Variants in IQCJ observed in about 807,000 individuals in gnomAD.
IQCJ encodes IQ domain-containing protein J.
IQCJ carries 9 observed loss-of-function variants against 11.0 expected under a neutral mutation model. The observed-to-expected ratio is 0.82, with a 90% CI of 0.49 to 1.43. IQCJ has a LOEUF of 1.43. Ranked by LOEUF, IQCJ falls within the 40% of genes most tolerant of loss-of-function variation. The pLI, the probability that IQCJ is intolerant of heterozygous loss-of-function variation, is 0.00. For missense variants in IQCJ, 146 were observed against 133.2 expected (o/e 1.10, Z -0.47); for synonymous variants, 55 against 51.3 (o/e 1.07, Z -0.31).
At chr3:159,142,425 C>CTG (rs1560000925) in intron 1 of IQCJ, among the ~76,000 whole-genome samples, 1 of 70,722 alleles carries the variant, frequency 1.4e-5, no homozygotes, top group Non-Finnish European at 2.9e-5. Context: ...AGGTCTTTTC[C>CTG]CCCCCCCACC....
At chr3:159,188,987 G>T (rs1723529544) in intron 1 of IQCJ, among the ~76,000 whole-genome samples, 1 of 152,184 alleles carries the variant, frequency 6.6e-6, no homozygotes, top group Non-Finnish European at 1.5e-5. Flanking sequence ...TTGTGGGGGA[G>T]GACGTAGTGA....
At chr3:159,091,018 TGAG>T (rs1183384222) in intron 1 of IQCJ, among the ~76,000 whole-genome samples, 1 of 151,870 alleles carries the variant, frequency 6.6e-6, no homozygotes. Flanking sequence ...AAGCATTAAT[TGAG>T]GAAGTTTTCA....
chr3:159,153,678 G>C (rs527962155), intron 1 of IQCJ, among the ~76,000 whole-genome samples: 3 of 152,310 alleles, frequency 2.0e-5, no homozygotes, highest in African/African-American at 7.2e-5. Flanking sequence ...AAAAGCTATA[G>C]TGGGCATCTG....
intron 1 of IQCJ, among the ~76,000 whole-genome samples, chr3:159,171,625 C>G (rs1352989373): frequency 6.6e-6 from 1 of 152,162 alleles, no homozygotes; most frequent in African/African-American, 2.4e-5. Flanking sequence ...AATACTGATA[C>G]CTTTGTTGCA....
chr3:159,196,868 A>G (rs1724013600), intron 1 of IQCJ, among the ~76,000 whole-genome samples: 1 of 152,162 alleles, frequency 6.6e-6, no homozygotes, highest in Non-Finnish European at 1.5e-5. Flanking sequence ...TGACCATTAA[A>G]CAATACCACT....
chr3:159,121,841 A>G (rs1389040265), intron 1 of IQCJ, among the ~76,000 whole-genome samples: 1 of 152,220 alleles, frequency 6.6e-6, no homozygotes, highest in Admixed American at 6.5e-5. Flanking sequence ...TGGATTCCCT[A>G]ATATTGAACC....
intron 1 of IQCJ, among the ~76,000 whole-genome samples, chr3:159,163,953 C>T (rs1352878271): frequency 1.3e-5 from 2 of 152,186 alleles, no homozygotes; most frequent in East Asian, 3.8e-4. Context: ...TGGTGATTAA[C>T]TGCCTTAACT....
At chr3:159,263,934 C>T (rs2108241080), downstream of IQCJ, among the ~76,000 whole-genome samples, 1 of 152,262 alleles carries the variant, frequency 6.6e-6, no homozygotes, top group African/African-American at 2.4e-5. Context: ...CTAGAGGGCA[C>T]TCGTGAACTA....
At chr3:159,230,644 C>A (rs746774030) in intron 1 of IQCJ, among the ~76,000 whole-genome samples, 12 of 152,110 alleles carry the variant, frequency 7.9e-5, no homozygotes, top group Non-Finnish European at 1.5e-4. Flanking sequence ...TCCTCCCTGA[C>A]AAGCGATGAG....
chr3:159,086,803 T>G (rs1324907237), intron 1 of IQCJ, among the ~76,000 whole-genome samples: 1 of 152,194 alleles, frequency 6.6e-6, no homozygotes, highest in African/African-American at 2.4e-5. Flanking sequence ...CTTATCAGCT[T>G]AAGGAGATTT....
chr3:159,148,581 A>G (rs6441251), intron 1 of IQCJ, among the ~76,000 whole-genome samples: 106,336 of 152,116 alleles, frequency 0.7, 37,228 homozygotes, highest in East Asian at 0.71. Context: ...TTTCTAGTAC[A>G]AAGTGATCAT....
chr3:159,240,003 A>G (rs1232782119), intron 1 of IQCJ, among the ~76,000 whole-genome samples: 1 of 152,142 alleles, frequency 6.6e-6, no homozygotes, highest in Non-Finnish European at 1.5e-5. Flanking sequence ...CCTTGTTATT[A>G]AGCAACACGA....
chr3:159,160,981 G>A (rs536583907), intron 1 of IQCJ, among the ~76,000 whole-genome samples: 9 of 152,182 alleles, frequency 5.9e-5, no homozygotes, highest in South Asian at 4.1e-4. Context: ...GAATAATGCC[G>A]CAATAAACAT....
chr3:159,155,768 C>T (rs1721484205), intron 1 of IQCJ, among the ~76,000 whole-genome samples: 1 of 152,064 alleles, frequency 6.6e-6, no homozygotes, highest in African/African-American at 2.4e-5. Flanking sequence ...TAAAAATGTA[C>T]ATACAAATCA....
intron 1 of IQCJ, among the ~76,000 whole-genome samples, chr3:159,171,172 G>A (rs1340747132): frequency 6.6e-6 from 1 of 151,614 alleles, no homozygotes; most frequent in East Asian, 1.9e-4. Flanking sequence ...CCAGCAACGA[G>A]GTACTATTAA....
rs34425057 is a variant in IQCJ, at chr3:159,069,843, TTGTGTGTGTGTG to T, written c.9+435_9+446del. The T allele has an allele frequency of 9.6e-3, 2,878 of 300,412 alleles. 31 individuals carry two copies. Among genetic ancestry groups the T allele is most frequent in the African/African-American group, 0.037 (1,568 of 42,668 alleles). 18.6% of individuals were successfully genotyped at this position (300,412 alleles called of 1,614,324 possible). Reference sequence around the variant, plus strand: ...CACTTATTTAAAAAGCCCTCCTTTCTTGTGTGTGTGTGTGTGTGTGTGTGTGTGTGTGTGTGT... The same window carrying T: ...CACTTATTTAAAAAGCCCTCCTTTCTTGTGTGTGTGTGTGTGTGTGTGTGT... On this transcript the variant is annotated intron_variant, in intron 1 of 3. Transcript: ENST00000397832.
chr3:159,224,856 A>G (rs1015172198), intron 1 of IQCJ, among the ~76,000 whole-genome samples: 1 of 152,208 alleles, frequency 6.6e-6, no homozygotes, highest in African/African-American at 2.4e-5. Flanking sequence ...AAAAATTTAA[A>G]TATATAACAA....
At chr3:159,114,730 G>C (rs559416854) in intron 1 of IQCJ, among the ~76,000 whole-genome samples, 1 of 152,252 alleles carries the variant, frequency 6.6e-6, no homozygotes, top group African/African-American at 2.4e-5. Flanking sequence ...AGTGCTCTGC[G>C]CATCTGCCAC....
At chr3:159,110,215 C>T (rs1718538396) in intron 1 of IQCJ, among the ~76,000 whole-genome samples, 1 of 152,110 alleles carries the variant, frequency 6.6e-6, no homozygotes, top group Non-Finnish European at 1.5e-5. Flanking sequence ...ATTAATTTAT[C>T]TAAGGTTTAC....
Sources: gnomAD v4.1 joint callset for allele counts (sites outside exome capture counted in the v4.1 genomes callset) on GRCh38, gnomAD v4.1.1 for gene constraint, MANE v1.5 for transcripts, NCBI Gene and HGNC (gene_info 2026-07-23, HGNC 2026-07-21) for gene names.